Variants in CFAP20DC observed in about 807,000 individuals in gnomAD.
CFAP20DC encodes protein CFAP20DC.
Under a neutral mutation model 101.7 loss-of-function variants are expected in CFAP20DC, and 84 were observed. The observed-to-expected ratio is 0.83, with a 90% confidence interval of 0.69 to 0.99. CFAP20DC has a LOEUF of 0.99. Ranked by LOEUF, CFAP20DC falls within the 50% of genes least tolerant of loss-of-function variation. The probability of loss-of-function intolerance (pLI) is 0.00; values close to 1 mark genes in which losing one functional copy is unlikely to be tolerated. For synonymous variants in CFAP20DC, 359 were observed against 351.2 expected (o/e 1.02, Z -0.25); for missense variants, 1,007 against 970.3 (o/e 1.04, Z -0.50).
chr3:58,775,907 G>A (rs1457566091), intron 15 of CFAP20DC, among the ~76,000 whole-genome samples: 1 of 151,932 alleles, frequency 6.6e-6, no homozygotes, highest in Non-Finnish European at 1.5e-5. Context: ...CACCATGCCT[G>A]GCTAATTTTG....
At chr3:58,761,428 T>A (rs568001810) in intron 15 of CFAP20DC, among the ~76,000 whole-genome samples, 2 of 152,348 alleles carry the variant, frequency 1.3e-5, no homozygotes, top group East Asian at 3.9e-4. Flanking sequence ...TTCTCTGTTT[T>A]CTTCTTTATT....
At chr3:59,035,981 G>A (rs1235835245) in intron 4 of CFAP20DC, among the ~76,000 whole-genome samples, 1 of 152,146 alleles carries the variant, frequency 6.6e-6, no homozygotes, top group Admixed American at 6.5e-5. Flanking sequence ...TCCCTGGGAT[G>A]CAAGGCTGGT....
chr3:58,775,196 G>A (rs1421052345), intron 15 of CFAP20DC, among the ~76,000 whole-genome samples: 1 of 152,168 alleles, frequency 6.6e-6, no homozygotes, highest in African/African-American at 2.4e-5. Context: ...CCAGAAAGGC[G>A]AGGACAACTA....
chr3:58,830,457 G>T (rs146853025), intron 14 of CFAP20DC, among the ~76,000 whole-genome samples: 1 of 152,138 alleles, frequency 6.6e-6, no homozygotes, highest in African/African-American at 2.4e-5. Context: ...CAGAGTAGCC[G>T]TAAGGAGTAA....
At chr3:58,908,543 C>G (rs556357299) in intron 6 of CFAP20DC, among the ~76,000 whole-genome samples, 1 of 152,280 alleles carries the variant, frequency 6.6e-6, no homozygotes, top group South Asian at 2.1e-4. Flanking sequence ...CTCGTATTCA[C>G]TGCTGGGGGA....
chr3:58,890,285 CG>C (rs919052393), intron 6 of CFAP20DC, among the ~76,000 whole-genome samples: 2 of 148,136 alleles, frequency 1.4e-5, no homozygotes, highest in Non-Finnish European at 3.0e-5. Context: ...ACCTCCCGGA[CG>C]GGGCGGCTGT....
At chr3:58,950,442 T>C (rs1464084106) in intron 4 of CFAP20DC, among the ~76,000 whole-genome samples, 15 of 152,130 alleles carry the variant, frequency 9.9e-5, no homozygotes, top group South Asian at 2.1e-4. Flanking sequence ...AAAAAGAGCC[T>C]GCATTGCCAA....
At chr3:58,834,731 C>A (rs1208269116) in intron 13 of CFAP20DC, among the ~76,000 whole-genome samples, 1 of 152,126 alleles carries the variant, frequency 6.6e-6, no homozygotes, top group African/African-American at 2.4e-5. Context: ...AATAATATTA[C>A]ATTGAATGCT....
intron 15 of CFAP20DC, 107 bp downstream of exon 15, chr3:58,806,288 T>C (rs2074047625): frequency 1.3e-6 from 1 of 749,282 alleles, no homozygotes; most frequent in Non-Finnish European, 2.3e-6. Flanking sequence ...GAACATAAGT[T>C]TGGAAGCTAG....
At chr3:58,822,304 A>AAAAGACTATACAGAC (rs2075720025) in intron 14 of CFAP20DC, among the ~76,000 whole-genome samples, 8 of 99,860 alleles carry the variant, frequency 8.0e-5, no homozygotes, top group African/African-American at 3.2e-4. Context: ...ATAAAAAAAA[A>AAAAGACTATACAGAC]TCATGAAAAA....
rs1016971902 is a variant in CFAP20DC at position 58,863,255 on chromosome 3, T to C, written c.1593+303A>G. 5.4e-5 allele frequency: 74 copies of C among 1,380,196 alleles called. No individual in the cohort carries two copies. Among genetic ancestry groups the C allele is most frequent in the Non-Finnish European group, 6.6e-5 (71 of 1,074,418 alleles). The allele number at this position is 1,380,196 out of a possible 1,614,324, so 85.5% of individuals were successfully genotyped here. A position where few individuals can be genotyped will look rare whatever the true frequency, so the allele number is the denominator to read the frequency against. On this transcript the variant is annotated intron_variant, in intron 12 of 16. Coordinates refer to ENST00000482387, the MANE Select transcript of CFAP20DC (RefSeq NM_001394063.1). This position sits in a 1 kb window ranked among gnomAD's most constrained non-coding sequence, Gnocchi z 5.9. ...CAGTGTTTTACTGGTCTTGCTATCATAGCACTAAACTGCATATCGTTTCTC... is the reference window on the plus strand; with the variant it reads ...CAGTGTTTTACTGGTCTTGCTATCACAGCACTAAACTGCATATCGTTTCTC...
intron 4 of CFAP20DC, among the ~76,000 whole-genome samples, chr3:58,983,456 A>G (rs2092650634): frequency 6.6e-6 from 1 of 152,234 alleles, no homozygotes; most frequent in Non-Finnish European, 1.5e-5. Context: ...TACTCAATTT[A>G]GATGGCAGTT....
intron 3 of CFAP20DC, among the ~76,000 whole-genome samples, chr3:58,734,311 T>C (rs1300401230): frequency 6.6e-6 from 1 of 152,226 alleles, no homozygotes; most frequent in Non-Finnish European, 1.5e-5. Context: ...TTTAAAGCAG[T>C]GTGAGAATGC....
intron 6 of CFAP20DC, among the ~76,000 whole-genome samples, chr3:58,904,999 G>A (rs528766849): frequency 6.6e-6 from 1 of 152,148 alleles, no homozygotes; most frequent in Admixed American, 6.5e-5. Context: ...ACCAGTGCCA[G>A]GTCATTTGCT....
intron 15 of CFAP20DC, among the ~76,000 whole-genome samples, chr3:58,774,634 C>A (rs568549081): frequency 6.6e-6 from 1 of 152,114 alleles, no homozygotes; most frequent in Admixed American, 6.6e-5. Flanking sequence ...GGAAAAGACA[C>A]GCCAGGCAAA....
rs2093680096 is a variant in CFAP20DC, at chr3:59,015,959, T to G, written c.278+23598A>C. On this transcript the variant is annotated intron_variant, in intron 4 of 16. Transcript: ENST00000482387. This position sits in a 1 kb window ranked among gnomAD's most constrained non-coding sequence, Gnocchi z 5.4. ...AAGCAGTACCAATGGATGCCCAGGC[T>G]GGGACAAAATGCTGGGAAGAAGCCA... Among the ~76,000 whole-genome samples, 1 of 152,116 alleles carries G rather than the reference T, an allele frequency of 6.6e-6. No individual in the cohort carries two copies. Among genetic ancestry groups the G allele is most frequent in the African/African-American group, 2.4e-5 (1 of 41,426 alleles).
chr3:58,816,740 C>G (rs368616487), intron 14 of CFAP20DC, among the ~76,000 whole-genome samples: 45 of 152,138 alleles, frequency 3.0e-4, no homozygotes, highest in African/African-American at 1.1e-3. Context: ...CCCAGGCTTG[C>G]TTAGGTAAAC....
intron 14 of CFAP20DC, among the ~76,000 whole-genome samples, chr3:58,829,694 T>G (rs1486811720): frequency 6.6e-6 from 1 of 152,230 alleles, no homozygotes; most frequent in East Asian, 1.9e-4. Flanking sequence ...ACCAAAGGCC[T>G]TATTTTTGGC....
chr3:58,855,274 G>A (rs79719235), intron 12 of CFAP20DC, among the ~76,000 whole-genome samples: 27,730 of 151,864 alleles, frequency 0.18, 4,444 homozygotes, highest in African/African-American at 0.42. Flanking sequence ...ATGCAACTCA[G>A]AACCACAATG....
Sources: gnomAD v4.1 joint callset for allele counts (sites outside exome capture counted in the v4.1 genomes callset) on GRCh38, gnomAD v4.1.1 for gene constraint, Gnocchi (gnomAD v3.1) non-coding constraint, MANE v1.5 for transcripts, NCBI Gene and HGNC (gene_info 2026-07-23, HGNC 2026-07-21) for gene names.